PHF21B: variants seen among roughly 807,000 people sequenced by gnomAD.
The protein encoded by PHF21B is PHD finger protein 4.
A neutral mutation model predicts 62.2 loss-of-function variants in PHF21B; 22 were observed. That is an observed-to-expected ratio of 0.35 (90% CI 0.25 to 0.51). PHF21B has a LOEUF of 0.51. Among genes scored for constraint, PHF21B ranks in the 20% least tolerant of loss-of-function variants. PHF21B has a pLI of 0.97. For synonymous variants in PHF21B, 341 were observed against 314.7 expected (o/e 1.08, Z -0.88); for missense variants, 701 against 707.9 (o/e 0.99, Z 0.11).
At chr22:44,951,791 C>A (rs918564899) in intron 2 of PHF21B, among the ~76,000 whole-genome samples, 5 of 152,128 alleles carry the variant, frequency 3.3e-5, no homozygotes, top group African/African-American at 1.2e-4. Context: ...TGGGTCTGCA[C>A]CCAGGAGTGG....
intron 2 of PHF21B, among the ~76,000 whole-genome samples, chr22:44,997,937 T>C (rs2073149739): frequency 6.6e-6 from 1 of 151,824 alleles, no homozygotes; most frequent in African/African-American, 2.4e-5. Flanking sequence ...TTTTGGGGAA[T>C]GACTCTTCCG....
At chr22:44,886,602 G>T (rs2070863245) in intron 10 of PHF21B, among the ~76,000 whole-genome samples, 1 of 151,724 alleles carries the variant, frequency 6.6e-6, no homozygotes, top group African/African-American at 2.4e-5. Flanking sequence ...TGGGAAGATT[G>T]TTTGAGCCCC....
Position 44,969,669 on chromosome 22 carries a change from AAAAAAG to A in PHF21B, c.120+38870_120+38875del, listed in dbSNP as rs569618502. 5.0e-3 allele frequency among the ~76,000 whole-genome samples: 762 copies of A among 152,072 alleles called. 6 individuals carry two copies. The highest frequency in any genetic ancestry group is 0.018 in the African/African-American group (735 of 41,540). On this transcript the variant is annotated intron_variant, in intron 2 of 12. Coordinates refer to ENST00000313237, the MANE Select transcript of PHF21B (RefSeq NM_138415.5). ...TCATACAGCGAGACTCAGTCTCAAA[AAAAAAG>A]AAAAAGAAAAAGAAAAATGGAGCCA...
intron 5 of PHF21B, among the ~76,000 whole-genome samples, chr22:44,898,397 C>A (rs1247557529): frequency 6.6e-6 from 1 of 152,106 alleles, no homozygotes; most frequent in Non-Finnish European, 1.5e-5. Context: ...CTGCTGGTGA[C>A]CCTGGTCACT....
At chr22:44,910,099 G>A (rs1399745850) in intron 5 of PHF21B, among the ~76,000 whole-genome samples, 3 of 152,216 alleles carry the variant, frequency 2.0e-5, no homozygotes, top group African/African-American at 7.2e-5. Context: ...AGGAAAAAGT[G>A]AAGGGATGCA....
At chr22:44,983,217 G>C (rs959370850) in intron 2 of PHF21B, among the ~76,000 whole-genome samples, 2 of 137,194 alleles carry the variant, frequency 1.5e-5, no homozygotes, top group African/African-American at 5.6e-5. Flanking sequence ...CTGGGCGACA[G>C]AGCGAGACTC....
chr22:44,894,998 C>G (rs761851677), intron 6 of PHF21B, among the ~76,000 whole-genome samples: 1 of 152,226 alleles, frequency 6.6e-6, no homozygotes, highest in Non-Finnish European at 1.5e-5. Flanking sequence ...GCTAGTGCCT[C>G]GGGCACCGCG....
intron 2 of PHF21B, among the ~76,000 whole-genome samples, chr22:44,934,355 G>T (rs6007391): frequency 6.6e-6 from 1 of 152,046 alleles, no homozygotes; most frequent in Non-Finnish European, 1.5e-5. Context: ...ATAGAGGAGC[G>T]ATGACATCAT....
intron 2 of PHF21B, among the ~76,000 whole-genome samples, chr22:45,002,500 T>A (rs1354879892): frequency 6.6e-6 from 1 of 152,180 alleles, no homozygotes; most frequent in Non-Finnish European, 1.5e-5. Flanking sequence ...CACAGCCTGG[T>A]TTATGTACTG....
intron 2 of PHF21B, among the ~76,000 whole-genome samples, chr22:44,948,105 G>A (rs2072115597): frequency 6.7e-6 from 1 of 148,182 alleles, no homozygotes; most frequent in Non-Finnish European, 1.5e-5. Flanking sequence ...GACCAGCTCC[G>A]TGGAAGATGG....
At position 44,883,177 on chromosome 22, in the gene PHF21B, G is replaced by C; in HGVS notation, c.1505C>G (p.Thr502Ser). ...EQLLQVTMTT[T>S]SPAPLLAGPW... Reference sequence around the variant, plus strand: ...CCCGGCCAGCAGTGGGGCAGGGCTAGTGGTCGTCATGGTGACCTGGAGCAG... The same window carrying C: ...CCCGGCCAGCAGTGGGGCAGGGCTACTGGTCGTCATGGTGACCTGGAGCAG... Residue 502 changes from threonine (T) to serine (S), a missense_variant, in exon 13 of 13, where the codon ACT becomes AGT. Thr to Ser is a moderately conservative substitution (Grantham distance 58). Transcript: ENST00000313237. 6.2e-7 allele frequency: 1 copy of C among 1,613,452 alleles called. No homozygotes were observed. The highest frequency in any genetic ancestry group is 1.3e-5 in the African/African-American group (1 of 75,046).
intron 5 of PHF21B, among the ~76,000 whole-genome samples, chr22:44,912,861 A>G (rs1218867194): frequency 8.1e-6 from 1 of 122,784 alleles, no homozygotes; most frequent in Non-Finnish European, 1.6e-5. Flanking sequence ...CATGGCTCAA[A>G]GAGTCAGACT....
At chr22:44,908,740 C>T (rs1235795413) in intron 5 of PHF21B, among the ~76,000 whole-genome samples, 1 of 152,258 alleles carries the variant, frequency 6.6e-6, no homozygotes, top group East Asian at 1.9e-4. Flanking sequence ...AGACACTTCA[C>T]TGACAGGTTC....
intron 2 of PHF21B, among the ~76,000 whole-genome samples, chr22:45,007,492 G>T (rs1298544762): frequency 1.3e-5 from 2 of 148,392 alleles, no homozygotes; most frequent in Admixed American, 1.3e-4. Context: ...TGGCGCTGGC[G>T]GCTGCGGCCG....
chr22:44,896,226 C>T, intron 5 of PHF21B, 143 bp from the exon 6 acceptor site: 2 of 837,358 alleles, frequency 2.4e-6, no homozygotes, highest in Non-Finnish European at 4.1e-6. Context: ...GATGCCAAGT[C>T]AGTTTCTAAG....
At chr22:44,960,054 T>TG (rs747095102) in intron 2 of PHF21B, among the ~76,000 whole-genome samples, 5 of 152,302 alleles carry the variant, frequency 3.3e-5, no homozygotes, top group South Asian at 4.1e-4. Flanking sequence ...CAACCCTCTC[T>TG]AATGGCTGAA....
chr22:44,908,839 C>T (rs2071297088), intron 5 of PHF21B, among the ~76,000 whole-genome samples: 2 of 152,184 alleles, frequency 1.3e-5, no homozygotes, highest in Non-Finnish European at 2.9e-5. Flanking sequence ...GCTCTGTCAC[C>T]CAGGCTGGAG....
At position 44,896,222 on chromosome 22, in the gene PHF21B, A is replaced by G; in HGVS notation, c.832-139T>C. ...ACAGAGGCCTCCAACTCCAGATGCC[A>G]AGTCAGTTTCTAAGAAACGTGGGGA... On this transcript the variant is annotated intron_variant, in intron 5 of 12. Coordinates refer to ENST00000313237, the MANE Select transcript of PHF21B (RefSeq NM_138415.5). 3.5e-6 allele frequency: 3 copies of G among 854,498 alleles called. No individual in the cohort carries two copies. In the South Asian group the frequency reaches 4.1e-5, roughly 12 times the overall value. The allele number at this position is 854,498 out of a possible 1,614,324, so 52.9% of individuals were successfully genotyped here. A position where few individuals can be genotyped will look rare whatever the true frequency, so the allele number is the denominator to read the frequency against.
chr22:44,929,968 GGA>G (rs2071708394), intron 2 of PHF21B, among the ~76,000 whole-genome samples: 1 of 152,180 alleles, frequency 6.6e-6, no homozygotes, highest in East Asian at 1.9e-4. Context: ...AGGCAAGCTG[GGA>G]TCCACCCACT....
Sources: allele counts gnomAD v4.1 joint callset (sites outside exome capture counted in the v4.1 genomes callset), GRCh38; gene constraint gnomAD v4.1.1; transcripts MANE v1.5; gene names NCBI Gene and HGNC (gene_info 2026-07-23, HGNC 2026-07-21).